The following GALNTL6 variants were observed in gnomAD, a reference collection of about 807,000 sequenced individuals.
The protein encoded by GALNTL6 is polypeptide N-acetylgalactosaminyltransferase like 6, also known as polypeptide N-acetylgalactosaminyltransferase-like 6.
A neutral mutation model predicts 73.7 loss-of-function variants in GALNTL6; 46 were observed. The observed-to-expected ratio is 0.62, with a 90% CI of 0.49 to 0.80. The LOEUF is 0.80. Among genes scored for constraint, GALNTL6 ranks in the 30% least tolerant of loss-of-function variants. The pLI is 0.00. For synonymous variants in GALNTL6, 259 were observed against 263.7 expected (o/e 0.98, Z 0.17); for missense variants, 604 against 755.0 (o/e 0.80, Z 2.34).
chr4:172,858,238 A>G (rs928699424), intron 7 of GALNTL6, among the ~76,000 whole-genome samples: 1 of 152,196 alleles, frequency 6.6e-6, no homozygotes, highest in Non-Finnish European at 1.5e-5. Context: ...CAACTTTATC[A>G]TTATGTCCAG....
At chr4:172,701,958 A>G (rs1430569813) in intron 5 of GALNTL6, among the ~76,000 whole-genome samples, 1 of 152,086 alleles carries the variant, frequency 6.6e-6, no homozygotes, top group Non-Finnish European at 1.5e-5. Flanking sequence ...CAAACAAAAT[A>G]AAAAATATTA....
At chr4:172,801,700 GT>G (rs1348639513) in intron 5 of GALNTL6, among the ~76,000 whole-genome samples, 2 of 152,102 alleles carry the variant, frequency 1.3e-5, no homozygotes, top group Admixed American at 6.5e-5. Context: ...TTGGTGTTTT[GT>G]TTCTTTTTTG....
intron 2 of GALNTL6, among the ~76,000 whole-genome samples, chr4:171,867,388 G>A (rs2110888618): frequency 6.6e-6 from 1 of 152,214 alleles, no homozygotes; most frequent in South Asian, 2.1e-4. Context: ...TCTTATCTGG[G>A]GAAACAGAAC....
At chr4:172,957,166 G>T (rs1579706219) in intron 10 of GALNTL6, among the ~76,000 whole-genome samples, 1 of 152,278 alleles carries the variant, frequency 6.6e-6, no homozygotes, top group Admixed American at 6.5e-5. Context: ...TGATGTGTAG[G>T]GAAGGGAGGG....
At chr4:172,015,773 G>T (rs1579060606) in intron 2 of GALNTL6, among the ~76,000 whole-genome samples, 1 of 151,854 alleles carries the variant, frequency 6.6e-6, no homozygotes, top group South Asian at 2.1e-4. Context: ...GTCTGAAAAA[G>T]ACTTTATCTC....
intron 2 of GALNTL6, among the ~76,000 whole-genome samples, chr4:171,892,923 C>T (rs769024632): frequency 1.2e-4 from 18 of 152,106 alleles, no homozygotes; most frequent in Non-Finnish European, 2.5e-4. Context: ...ACTTTTAATA[C>T]TTACCCTGCT....
chr4:171,972,223 G>A (rs562633248), intron 2 of GALNTL6, among the ~76,000 whole-genome samples: 72 of 152,044 alleles, frequency 4.7e-4, no homozygotes, highest in Admixed American at 1.4e-3. Flanking sequence ...ATATGTGTGT[G>A]TGCATATAGC....
At chr4:172,019,058 C>T (rs1286403019) in intron 2 of GALNTL6, among the ~76,000 whole-genome samples, 2 of 152,178 alleles carry the variant, frequency 1.3e-5, no homozygotes, top group East Asian at 3.9e-4. Context: ...TTTCCCCTCT[C>T]ACACTTTGGG....
intron 5 of GALNTL6, among the ~76,000 whole-genome samples, chr4:172,442,525 T>C (rs1561085021): frequency 6.6e-6 from 1 of 152,228 alleles, no homozygotes; most frequent in Non-Finnish European, 1.5e-5. Flanking sequence ...TTTTTACTTT[T>C]GTAATTCCTT....
intron 5 of GALNTL6, among the ~76,000 whole-genome samples, chr4:172,582,437 C>T (rs972491053): frequency 1.3e-5 from 2 of 152,090 alleles, no homozygotes; most frequent in African/African-American, 4.8e-5. Flanking sequence ...AATTTCAAGT[C>T]CCTCACAGGC....
chr4:172,039,313 G>T (rs1222245725), intron 2 of GALNTL6, among the ~76,000 whole-genome samples: 1 of 152,030 alleles, frequency 6.6e-6, no homozygotes, highest in East Asian at 1.9e-4. Context: ...CTTGATATTT[G>T]TTCTTCAGCC....
intron 5 of GALNTL6, among the ~76,000 whole-genome samples, chr4:172,618,196 C>A (rs1738819501): frequency 6.6e-6 from 1 of 152,134 alleles, no homozygotes; most frequent in African/African-American, 2.4e-5. Flanking sequence ...GCCCTGGCAG[C>A]AAAAGGGCTT....
At chr4:172,569,550 C>T (rs969453533) in intron 5 of GALNTL6, among the ~76,000 whole-genome samples, 5 of 152,216 alleles carry the variant, frequency 3.3e-5, no homozygotes, top group Admixed American at 2.0e-4. Flanking sequence ...GCATTTACCG[C>T]TCTGTCTTCC....
intron 2 of GALNTL6, among the ~76,000 whole-genome samples, chr4:172,084,036 G>A (rs1731957654): frequency 6.6e-6 from 1 of 152,164 alleles, no homozygotes; most frequent in African/African-American, 2.4e-5. Context: ...CAAGGCAGAA[G>A]GAACACCTGC....
At chr4:172,553,673 A>G (rs188392624) in intron 5 of GALNTL6, among the ~76,000 whole-genome samples, 18 of 152,300 alleles carry the variant, frequency 1.2e-4, no homozygotes, top group African/African-American at 3.8e-4. Flanking sequence ...TCCTGCACAT[A>G]CAATATATTA....
intron 5 of GALNTL6, among the ~76,000 whole-genome samples, chr4:172,685,989 T>C (rs1732895466): frequency 6.6e-6 from 1 of 152,178 alleles, no homozygotes. Context: ...ACCAAAGAGA[T>C]TACTTGAGAG....
chr4:173,006,171 T>C (rs373655129), intron 10 of GALNTL6, among the ~76,000 whole-genome samples: 10 of 152,182 alleles, frequency 6.6e-5, no homozygotes, highest in African/African-American at 2.4e-4. Flanking sequence ...TGGGACCCAC[T>C]GGCCATGAAC....
intron 2 of GALNTL6, among the ~76,000 whole-genome samples, chr4:172,008,295 T>C (rs1315172283): frequency 6.6e-6 from 1 of 152,156 alleles, no homozygotes; most frequent in African/African-American, 2.4e-5. Flanking sequence ...GCTTTTAAAG[T>C]CTCTGTATGT....
intron 2 of GALNTL6, among the ~76,000 whole-genome samples, chr4:172,009,552 C>A (rs183289568): frequency 6.6e-6 from 1 of 152,156 alleles, no homozygotes; most frequent in Non-Finnish European, 1.5e-5. Flanking sequence ...TTAACAAGAC[C>A]TTTTCTCAAA....
Sources: allele counts gnomAD v4.1 joint callset (sites outside exome capture counted in the v4.1 genomes callset), GRCh38; gene constraint gnomAD v4.1.1; transcripts MANE v1.5; gene names NCBI Gene and HGNC (gene_info 2026-07-23, HGNC 2026-07-21).